The following WASL variants were observed in gnomAD, a reference collection of about 807,000 sequenced individuals.
WASL encodes the protein actin nucleation-promoting factor WASL.
A neutral mutation model predicts 55.5 loss-of-function variants in WASL; 20 were observed. That is an observed-to-expected ratio of 0.36 (90% confidence interval 0.25 to 0.52). WASL has a LOEUF of 0.52. WASL is among the 20% of genes least tolerant of loss of function. The pLI is 0.92. For missense variants in WASL, 504 were observed against 622.5 expected (o/e 0.81, Z 2.03); for synonymous variants, 249 against 217.6 (o/e 1.14, Z -1.27).
intron 6 of WASL, among the ~76,000 whole-genome samples, 185 bp downstream of exon 6, chr7:123,696,394 T>A: frequency 6.7e-6 from 1 of 149,176 alleles, no homozygotes; most frequent in African/African-American, 2.5e-5. Flanking sequence ...TCCAAGAACA[T>A]CTATTGAGCA....
intron 1 of WASL, among the ~76,000 whole-genome samples, chr7:123,743,275 T>C (rs1174292711): frequency 6.7e-6 from 1 of 149,652 alleles, no homozygotes; most frequent in Non-Finnish European, 1.5e-5. Flanking sequence ...AGGCCGAGGT[T>C]GCAGTGAGCC....
chr7:123,733,913 CAAAAAAAAAA>C (rs33913069), intron 1 of WASL, among the ~76,000 whole-genome samples: 77 of 110,780 alleles, frequency 7.0e-4, no homozygotes, highest in African/African-American at 2.4e-3. Flanking sequence ...ATCCACGTGC[CAAAAAAAAAA>C]AAAAAAAAAA....
At chr7:123,696,091 C>T (rs960304182) in intron 6 of WASL, among the ~76,000 whole-genome samples, 1 of 152,012 alleles carries the variant, frequency 6.6e-6, no homozygotes, top group Admixed American at 6.5e-5. Context: ...TTTGTACAAT[C>T]TCTCTGAGCA....
intron 1 of WASL, among the ~76,000 whole-genome samples, chr7:123,741,252 ATTTAT>A (rs1323254346): frequency 6.6e-6 from 1 of 152,172 alleles, no homozygotes; most frequent in Non-Finnish European, 1.5e-5. Flanking sequence ...TACAGCTCAC[ATTTAT>A]TTCATTAATT....
At chr7:123,703,067 T>C (rs1274407677) in intron 5 of WASL, among the ~76,000 whole-genome samples, 9 of 152,218 alleles carry the variant, frequency 5.9e-5, no homozygotes, top group Non-Finnish European at 1.5e-5. Flanking sequence ...GGAAAATTTC[T>C]ACTACTACAT....
At chr7:123,703,587 A>G (rs1803623187) in intron 5 of WASL, among the ~76,000 whole-genome samples, 1 of 152,200 alleles carries the variant, frequency 6.6e-6, no homozygotes, top group Non-Finnish European at 1.5e-5. Context: ...GAAGGTAGTC[A>G]GGCATTTAAA....
Position 123,748,607 on chromosome 7 carries a change from C to T in WASL, c.117+11G>A. On this transcript the variant is annotated intron_variant, in intron 1 of 10. Coordinates refer to ENST00000223023, the MANE Select transcript of WASL (RefSeq NM_003941.4). ...ATGTCACGGGTGGCGACGCGGGTCT[C>T]GTCCACTGACCACACATTTCTTGCC... 2 of 1,612,974 alleles carry T rather than the reference C, an allele frequency of 1.2e-6. No homozygotes were observed. Among genetic ancestry groups the T allele is most frequent in the Non-Finnish European group, 1.7e-6 (2 of 1,179,396 alleles).
At chr7:123,687,710 G>GTC (rs1347940017) in intron 10 of WASL, among the ~76,000 whole-genome samples, 5 of 150,514 alleles carry the variant, frequency 3.3e-5, no homozygotes, top group Admixed American at 6.6e-5. Context: ...TTTATTGCTT[G>GTC]TCTCTCTCTC....
chr7:123,724,822 T>C (rs1007056470), intron 1 of WASL, among the ~76,000 whole-genome samples: 2 of 152,136 alleles, frequency 1.3e-5, no homozygotes, highest in Non-Finnish European at 2.9e-5. Flanking sequence ...TAAACATTTA[T>C]ATGACATGGT....
At chr7:123,742,976 A>C (rs999564345) in intron 1 of WASL, among the ~76,000 whole-genome samples, 2 of 152,192 alleles carry the variant, frequency 1.3e-5, no homozygotes, top group African/African-American at 4.8e-5. Context: ...TTAAGCATTA[A>C]AGCTGGAAAG....
At chr7:123,746,438 G>A (rs902986087) in intron 1 of WASL, among the ~76,000 whole-genome samples, 8 of 152,134 alleles carry the variant, frequency 5.3e-5, no homozygotes, top group African/African-American at 1.7e-4. Flanking sequence ...TTTATTATGA[G>A]ACAATATATT....
At chr7:123,706,139 T>A in intron 4 of WASL, 138 bp downstream of exon 4, 1 of 780,722 alleles carries the variant, frequency 1.3e-6, no homozygotes, top group Non-Finnish European at 2.0e-6. Context: ...TGACAAAAAA[T>A]AGCCAAAGAC....
intron 1 of WASL, among the ~76,000 whole-genome samples, chr7:123,735,749 G>A (rs1356025753): frequency 1.3e-5 from 2 of 151,940 alleles, no homozygotes; most frequent in African/African-American, 4.8e-5. Context: ...ACACAGAAAA[G>A]GAAAAAGCAA....
At chr7:123,739,890 G>A (rs1008194058) in intron 1 of WASL, among the ~76,000 whole-genome samples, 8 of 52,184 alleles carry the variant, frequency 1.5e-4, no homozygotes, top group Non-Finnish European at 2.6e-4. Context: ...GTGTGTGTGT[G>A]TGTGTGTGTG....
chr7:123,744,788 C>T (rs1804404092), intron 1 of WASL, among the ~76,000 whole-genome samples: 1 of 152,144 alleles, frequency 6.6e-6, no homozygotes. Flanking sequence ...TTAACTGAAT[C>T]ACACTACATG....
At chr7:123,725,985 T>C (rs955434273) in intron 1 of WASL, among the ~76,000 whole-genome samples, 11 of 152,210 alleles carry the variant, frequency 7.2e-5, no homozygotes, top group African/African-American at 2.7e-4. Flanking sequence ...ATAAGTTCAC[T>C]GTTAAATATT....
intron 5 of WASL, among the ~76,000 whole-genome samples, chr7:123,700,567 G>A (rs1023207616): frequency 6.6e-6 from 1 of 151,962 alleles, no homozygotes; most frequent in Non-Finnish European, 1.5e-5. Flanking sequence ...AGCCTCCCAG[G>A]TGGCTGGGAC....
At chr7:123,722,637 G>A (rs1391822178) in intron 1 of WASL, among the ~76,000 whole-genome samples, 4 of 152,022 alleles carry the variant, frequency 2.6e-5, no homozygotes, top group Non-Finnish European at 5.9e-5. Flanking sequence ...GGCCAACATG[G>A]CGAAACCCCA....
In WASL at chr7:123,683,315, T is replaced by C. The variant is rs1377984891; in HGVS notation, c.*1204A>G. The C allele has an allele frequency of 6.6e-6, 1 of 151,972 alleles. No individual in the cohort carries two copies. The highest frequency in any genetic ancestry group is 2.4e-5 in the African/African-American group (1 of 41,386). The allele number at this position is 151,972 out of a possible 1,614,324, so 9.4% of individuals were successfully genotyped here. On this transcript the variant is annotated 3_prime_UTR_variant, in exon 11 of 11. Transcript: ENST00000223023. ...GTAGTGTAGAGAGGCAAAGAAACCC[T>C]AATTTTAACACACCATTTAGTATGC... is the stretch of plus-strand genomic sequence containing the variant.
Sources: allele counts gnomAD v4.1 joint callset (sites outside exome capture counted in the v4.1 genomes callset), GRCh38; gene constraint gnomAD v4.1.1; transcripts MANE v1.5; gene names NCBI Gene and HGNC (gene_info 2026-07-23, HGNC 2026-07-21).